SCAP: variants seen among roughly 807,000 people sequenced by gnomAD.
The protein encoded by SCAP is SREBF chaperone.
SCAP carries 65 observed loss-of-function variants against 123.6 expected under a neutral mutation model. That is an observed-to-expected ratio of 0.53 (90% CI 0.43 to 0.65). The LOEUF (loss-of-function observed/expected upper bound fraction) is 0.65, where lower values mean the gene tolerates loss of function less well. Among genes scored for constraint, SCAP ranks in the 30% least tolerant of loss-of-function variants. The probability of loss-of-function intolerance (pLI) is 0.00; values close to 1 mark genes in which losing one functional copy is unlikely to be tolerated. For missense variants in SCAP, 1,398 were observed against 1,712.5 expected (o/e 0.82, Z 3.24); for synonymous variants, 740 against 726.3 (o/e 1.02, Z -0.30).
chr3:47,460,436 T>C (rs1707588110), intron 1 of SCAP, among the ~76,000 whole-genome samples: 2 of 152,350 alleles, frequency 1.3e-5, no homozygotes, highest in South Asian at 2.1e-4. Flanking sequence ...AACTGATATA[T>C]GTCCATATTA....
rs1457893649 is a variant in SCAP, at chr3:47,419,708, C to A, written c.1564-4G>T. The A allele has an allele frequency of 6.6e-7, 1 of 1,519,078 alleles. No homozygotes were observed. The allele number at this position is 1,519,078 out of a possible 1,614,324, so 94.1% of individuals were successfully genotyped here. A position where few individuals can be genotyped will look rare whatever the true frequency, so the allele number is the denominator to read the frequency against. Reference sequence around the variant, plus strand: ...CAATCCAGACAACGGTGCCAGCCTGCAGTGGGGCAGGGGGTACTCAGTGGG... The same window carrying A: ...CAATCCAGACAACGGTGCCAGCCTGAAGTGGGGCAGGGGGTACTCAGTGGG... On this transcript the variant is annotated splice_polypyrimidine_tract_variant and splice_region_variant and intron_variant, in intron 12 of 22. Coordinates refer to ENST00000265565, the MANE Select transcript of SCAP (RefSeq NM_012235.4). This position sits in a 1 kb window ranked among gnomAD's most constrained non-coding sequence, Gnocchi z 5.0.
chr3:47,461,963 G>A (rs912770116), intron 1 of SCAP, among the ~76,000 whole-genome samples: 2 of 152,068 alleles, frequency 1.3e-5, no homozygotes, highest in African/African-American at 2.4e-5. Context: ...AAACCCAGGA[G>A]GCAAAGGTTG....
At position 47,426,107 on chromosome 3, in the gene SCAP, C is replaced by T. The variant is rs149082564; in HGVS notation, c.800G>A (p.Arg267Gln). Residue 267 changes from arginine (R) to glutamine (Q), a missense_variant, in exon 7 of 23, where the codon CGG becomes CAG. By Grantham distance (43) the Arg-to-Gln change is conservative. Around this residue, in one of 7 missense-constraint regions of SCAP, gnomAD observed 319 missense variants for 432.4 expected, o/e 0.74. Transcript: ENST00000265565. ...LLHPSPNCSL[R>Q]AESLVHVHFK... ...GTGCACGTGGACCAGGCTCTCCGCC[C>T]GAAGGCTGCAGTTGGGGCTGGGGTG... 7,425 of 1,613,998 alleles carry T rather than the reference C, an allele frequency of 4.6e-3. 27 individuals carry two copies. The highest frequency in any genetic ancestry group is 5.6e-3 in the Non-Finnish European group (6,628 of 1,179,924).
intron 1 of SCAP, 38 bp from the exon 2 acceptor site, chr3:47,443,129 C>A: frequency 6.8e-7 from 1 of 1,464,064 alleles, no homozygotes; most frequent in Non-Finnish European, 9.1e-7. Flanking sequence ...ACAAAGAGTA[C>A]TTGGCTCTGC....
intron 1 of SCAP, among the ~76,000 whole-genome samples, chr3:47,447,269 C>T (rs184283350): frequency 3.3e-5 from 5 of 152,222 alleles, no homozygotes; most frequent in Admixed American, 3.3e-4. Flanking sequence ...GGTGTGGTGG[C>T]ACACACTTGT....
rs762607828 is a variant in SCAP, at chr3:47,418,183, C to T, written c.2398G>A (p.Val800Met). Residue 800 changes from valine (V) to methionine (M), a missense_variant, in exon 16 of 23, where the codon GTG becomes ATG. By Grantham distance (21) the Val-to-Met change is conservative. Transcript: ENST00000265565. ...CAATCCCCGGTCTGCGCGTCCCACA[C>T]GCAGACGTGGCCTGCCAGGCAGCAG... The part of the protein sequence containing the change: ...VSCCLAGHVC[V>M]WDAQTGDCLT... 4.4e-6 allele frequency: 7 copies of T among 1,575,588 alleles called. No homozygotes were observed. Among genetic ancestry groups the T allele is most frequent in the African/African-American group, 2.7e-5 (2 of 73,946 alleles).
chr3:47,417,470 G>A lies in SCAP; in HGVS notation c.2804C>T (p.Pro935Leu). The A allele has an allele frequency of 6.4e-7, 1 of 1,550,698 alleles. No individual in the cohort carries two copies. ...LAAVCTPALRPPSPGPVLSQA... is the reference protein window; with the variant it reads ...LAAVCTPALRLPSPGPVLSQA... ...GGACAGCACCGGCCCAGGCGAGGGTGGGCGCAGGGCTGGTGTGCAGACGGC... is the reference window on the plus strand; with the variant it reads ...GGACAGCACCGGCCCAGGCGAGGGTAGGCGCAGGGCTGGTGTGCAGACGGC... The change falls in exon 17 of 23, where the codon CCA becomes CTA. Residue 935 changes from proline to leucine, a missense_variant. Coordinates refer to ENST00000265565, the MANE Select transcript of SCAP (RefSeq NM_012235.4).
chr3:47,443,233 TACACACACACACACACACACACACAC>T, intron 1 of SCAP, 142 bp from the exon 2 acceptor site: 1 of 102,466 alleles, frequency 9.8e-6, no homozygotes, highest in Non-Finnish European at 1.8e-5. Context: ...AATCCCAAAA[TACACACACACACACACACACACACAC>T]ACACACACAC....
intron 1 of SCAP, 165 bp from the exon 2 acceptor site, chr3:47,443,256 AC>A: frequency 4.0e-6 from 1 of 247,108 alleles, no homozygotes; most frequent in Admixed American, 4.9e-5. Flanking sequence ...ACACACACAC[AC>A]ACACACACAC....
chr3:47,463,046 T>C (rs1184374944), intron 1 of SCAP, among the ~76,000 whole-genome samples: 1 of 152,142 alleles, frequency 6.6e-6, no homozygotes, highest in African/African-American at 2.4e-5. Flanking sequence ...ACTTGGTATC[T>C]CCACTCAAAT....
chr3:47,442,829 TA>T, intron 2 of SCAP, 42 bp downstream of exon 2: 1 of 1,584,478 alleles, frequency 6.3e-7, no homozygotes, highest in Non-Finnish European at 8.7e-7. Flanking sequence ...CCTACTGTCC[TA>T]AGACACTGGC....
intron 1 of SCAP, among the ~76,000 whole-genome samples, chr3:47,461,500 A>C (rs916627898): frequency 2.0e-5 from 3 of 152,232 alleles, no homozygotes; most frequent in Non-Finnish European, 4.4e-5. Context: ...AGACATTTAT[A>C]GAGACAAAGG....
intron 1 of SCAP, among the ~76,000 whole-genome samples, chr3:47,474,205 C>A (rs1403900545): frequency 6.7e-6 from 1 of 150,258 alleles, no homozygotes; most frequent in African/African-American, 2.5e-5. Flanking sequence ...GCGGAGGGTG[C>A]AGTGAGCCGA....
At chr3:47,458,864 G>A (rs568341574) in intron 1 of SCAP, among the ~76,000 whole-genome samples, 12 of 152,208 alleles carry the variant, frequency 7.9e-5, no homozygotes, top group Admixed American at 3.3e-4. Context: ...GACGTGCAAC[G>A]GCGTGATCTC....
At chr3:47,464,499 G>T (rs1707756880) in intron 1 of SCAP, among the ~76,000 whole-genome samples, 1 of 152,078 alleles carries the variant, frequency 6.6e-6, no homozygotes, top group Non-Finnish European at 1.5e-5. Context: ...TAGAATGAAG[G>T]AGAAAAACAA....
chr3:47,435,749 A>T (rs1161424088), intron 2 of SCAP, among the ~76,000 whole-genome samples: 1 of 152,152 alleles, frequency 6.6e-6, no homozygotes, highest in Admixed American at 6.6e-5. Context: ...AATATATAAC[A>T]TTATATTAAT....
intron 2 of SCAP, among the ~76,000 whole-genome samples, chr3:47,436,307 C>T (rs1251598028): frequency 2.6e-5 from 4 of 152,074 alleles, no homozygotes; most frequent in African/African-American, 4.8e-5. Flanking sequence ...ACCCGATATA[C>T]GCAAGGAAAA....
At position 47,443,096 on chromosome 3, in the gene SCAP, TAAG is replaced by T. The variant is rs916449332; in HGVS notation, c.-98-8_-98-6del. ...AAGAACAACATGTGCAGGTACCTGG[TAAG>T]AAGGGAGAAAAGCCAGTTAACAAAG... On this transcript the variant is annotated splice_region_variant and splice_polypyrimidine_tract_variant and intron_variant, in intron 1 of 22. Transcript: ENST00000265565. 1 of 1,556,622 alleles carries T rather than the reference TAAG, an allele frequency of 6.4e-7. No homozygotes were observed. The highest frequency in any genetic ancestry group is 1.4e-5 in the African/African-American group (1 of 73,646).
chr3:47,419,667 G>A lies in SCAP; in HGVS notation c.1601C>T (p.Thr534Ile). ...TVVWIGILVYTDPAGLRNYLA... is the reference protein window; with the variant it reads ...TVVWIGILVYIDPAGLRNYLA... Reference sequence around the variant, plus strand: ...GTAGTTGCGCAGCCCTGCTGGGTCTGTGTATACCAGGATGCCAATCCAGAC... The same window carrying A: ...GTAGTTGCGCAGCCCTGCTGGGTCTATGTATACCAGGATGCCAATCCAGAC... Residue 534 changes from threonine to isoleucine, a missense_variant, in exon 13 of 23, where the codon ACA (threonine) becomes ATA (isoleucine). Transcript: ENST00000265565. The surrounding 1 kb of genome is among the most constrained non-coding windows in gnomAD (Gnocchi z 5.0). 1 of 1,532,010 alleles carries A rather than the reference G, an allele frequency of 6.5e-7. No homozygotes were observed. The highest frequency in any genetic ancestry group is 8.8e-7 in the Non-Finnish European group (1 of 1,139,128). The allele number at this position is 1,532,010 out of a possible 1,614,324, so 94.9% of individuals were successfully genotyped here.
Sources: allele counts gnomAD v4.1 joint callset (sites outside exome capture counted in the v4.1 genomes callset), GRCh38; gene constraint gnomAD v4.1.1; regional missense constraint gnomAD v4.1.1; non-coding constraint Gnocchi (gnomAD v3.1); transcripts MANE v1.5; gene names NCBI Gene and HGNC (gene_info 2026-07-23, HGNC 2026-07-21).